The following MTF2 variants were observed in gnomAD, a reference collection of about 807,000 sequenced individuals.
MTF2 encodes the protein metal response element binding transcription factor 2, also known as metal-response element-binding transcription factor 2.
Under a neutral mutation model 79.5 loss-of-function variants are expected in MTF2, and 11 were observed. The observed-to-expected ratio is 0.14, with a 90% CI of 0.09 to 0.23. The LOEUF is 0.23. Ranked by LOEUF, MTF2 falls within the 10% of genes least tolerant of loss-of-function variation. The pLI, the probability that MTF2 is intolerant of heterozygous loss-of-function variation, is 1.00. For missense variants in MTF2, 486 were observed against 711.2 expected, an observed-to-expected ratio of 0.68 and a Z score of 3.60; for synonymous variants, 208 against 232.8, an observed-to-expected ratio of 0.89 and a Z score of 0.97.
At chr1:93,118,734 G>A (rs142695117) in intron 7 of MTF2, among the ~76,000 whole-genome samples, 3 of 152,254 alleles carry the variant, frequency 2.0e-5, no homozygotes, top group African/African-American at 7.2e-5. Flanking sequence ...GATAGTATTA[G>A]AATTGGAAAA....
In MTF2 at chr1:93,101,657, A is replaced by G. The variant is rs1043226090; in HGVS notation, c.6-8573A>G. ...CAGTGGTGCAGTCACAGCTCACTGC[A>G]GCCTCGACCTCCCAGGCTCACGCAA... On this transcript the variant is annotated intron_variant, in intron 1 of 14. Coordinates refer to ENST00000370298, the MANE Select transcript of MTF2 (RefSeq NM_007358.4). Among the ~76,000 whole-genome samples, 3 of 135,608 alleles carry G rather than the reference A, an allele frequency of 2.2e-5. No homozygotes were observed. The South Asian group carries it at 6.9e-4, about 31-fold the overall frequency. 89.0% of individuals were successfully genotyped at this position (135,608 alleles called of 152,430 possible). A position where few individuals can be genotyped will look rare whatever the true frequency, so the allele number is the denominator to read the frequency against.
intron 14 of MTF2, among the ~76,000 whole-genome samples, chr1:93,135,269 G>T (rs1371041621): frequency 6.6e-6 from 1 of 152,190 alleles, no homozygotes; most frequent in African/African-American, 2.4e-5. Context: ...ACTTTGCCTG[G>T]CCAGGACAAC....
intron 1 of MTF2, among the ~76,000 whole-genome samples, chr1:93,096,199 T>G (rs1409820389): frequency 6.6e-6 from 1 of 152,268 alleles, no homozygotes. Context: ...CATCATGTAT[T>G]GTTGAAGATG....
At chr1:93,106,091 A>G (rs1655771292) in intron 1 of MTF2, among the ~76,000 whole-genome samples, 1 of 152,152 alleles carries the variant, frequency 6.6e-6, no homozygotes, top group African/African-American at 2.4e-5. Context: ...AAGGGGGCAT[A>G]AGGAATCAAG....
chr1:93,111,562 G>C (rs1571235999), intron 3 of MTF2, among the ~76,000 whole-genome samples: 1 of 152,110 alleles, frequency 6.6e-6, no homozygotes, highest in African/African-American at 2.4e-5. Flanking sequence ...AAAGGAATTG[G>C]AATGTTCTAA....
intron 8 of MTF2, 100 bp downstream of exon 8, chr1:93,119,501 G>C (rs1571243397): frequency 2.4e-6 from 2 of 825,128 alleles, no homozygotes; most frequent in Admixed American, 3.0e-5. Flanking sequence ...GTAAAAATAG[G>C]TTATTTATGC....
In MTF2 at chr1:93,137,191, T is replaced by C. The variant is rs1571259588; in HGVS notation, c.*164T>C. 9.7e-6 allele frequency: 5 copies of C among 515,140 alleles called. No homozygotes were observed. Among genetic ancestry groups the C allele is most frequent in the East Asian group, 2.9e-5 (1 of 34,510 alleles). The allele number at this position is 515,140 out of a possible 1,614,324, so 31.9% of individuals were successfully genotyped here. A position where few individuals can be genotyped will look rare whatever the true frequency, so the allele number is the denominator to read the frequency against. ...CCTTAACATGTACCTGTCAATGTTATGGATATTGTCATAAAAAGGTATCTT... is the reference window on the plus strand; with the variant it reads ...CCTTAACATGTACCTGTCAATGTTACGGATATTGTCATAAAAAGGTATCTT... On this transcript the variant is annotated 3_prime_UTR_variant, in exon 15 of 15. Coordinates refer to ENST00000370298, the MANE Select transcript of MTF2 (RefSeq NM_007358.4).
At chr1:93,114,655 ACT>A (rs749878548) in intron 3 of MTF2, 31 bp from the exon 4 acceptor site, 24 of 1,530,310 alleles carry the variant, frequency 1.6e-5, no homozygotes, top group East Asian at 9.1e-5. Context: ...ATTTTTTATG[ACT>A]CTCTTTTTTA....
At chr1:93,115,234 G>A in intron 5 of MTF2, 146 bp downstream of exon 5, 1 of 692,092 alleles carries the variant, frequency 1.4e-6, no homozygotes, top group Non-Finnish European at 2.3e-6. Context: ...GACTAATGAT[G>A]CTTAAGTGAC....
intron 1 of MTF2, among the ~76,000 whole-genome samples, chr1:93,091,017 A>G (rs1655055989): frequency 6.6e-6 from 1 of 151,236 alleles, no homozygotes; most frequent in East Asian, 1.9e-4. Flanking sequence ...AGCTTGTATG[A>G]ATGTTCAAAC....
At chr1:93,091,174 A>G (rs998316356) in intron 1 of MTF2, among the ~76,000 whole-genome samples, 2 of 152,114 alleles carry the variant, frequency 1.3e-5, no homozygotes, top group Non-Finnish European at 2.9e-5. Context: ...GAATTGTTAT[A>G]TTCAATAAAC....
chr1:93,079,706 A>T (rs1167162037), intron 1 of MTF2, among the ~76,000 whole-genome samples, 175 bp downstream of exon 1: 1 of 152,024 alleles, frequency 6.6e-6, no homozygotes. Flanking sequence ...GATGAAGAGG[A>T]GTAGTCAGTT....
chr1:93,090,020 G>A (rs1402765811), intron 1 of MTF2, among the ~76,000 whole-genome samples: 5 of 151,676 alleles, frequency 3.3e-5, no homozygotes, highest in Admixed American at 6.6e-5. Context: ...TCTGTCCCCC[G>A]GGCTGGAGCG....
intron 11 of MTF2, among the ~76,000 whole-genome samples, chr1:93,132,440 A>G (rs900385254): frequency 3.3e-5 from 5 of 152,230 alleles, no homozygotes; most frequent in Admixed American, 1.3e-4. Flanking sequence ...TGATGCCACC[A>G]GATAAGGATT....
rs755078737 is a variant in MTF2 at position 93,129,293 on chromosome 1, A to G, written c.1005A>G (p.Lys335=). The change falls in exon 11 of 15, where the codon AAA becomes AAG. Residue 335 remains lysine, a synonymous_variant. Coordinates refer to ENST00000370298, the MANE Select transcript of MTF2 (RefSeq NM_007358.4). ...AAAAATTTAGGTTTATGTCTGGGAA[A>G]GAAATAAAGAAGAAGAAGCATTTGT... ...NDYKTMFMSG[K]EIKKKKHLFG... The G allele has an allele frequency of 1.2e-5, 18 of 1,559,788 alleles. No homozygotes were observed. The highest frequency in any genetic ancestry group is 1.6e-5 in the Non-Finnish European group (18 of 1,152,544).
chr1:93,104,949 G>GA (rs1655704810), intron 1 of MTF2, among the ~76,000 whole-genome samples: 1 of 151,980 alleles, frequency 6.6e-6, no homozygotes, highest in Admixed American at 6.6e-5. Context: ...GAGGTCAGGA[G>GA]ATCGAGACCA....
intron 9 of MTF2, among the ~76,000 whole-genome samples, chr1:93,124,783 A>T: frequency 6.6e-6 from 1 of 151,948 alleles, no homozygotes; most frequent in East Asian, 1.9e-4. Context: ...AGGAAGAGTT[A>T]TACTGTAAGT....
At chr1:93,111,217 G>A (rs1217101986) in intron 3 of MTF2, among the ~76,000 whole-genome samples, 1 of 152,098 alleles carries the variant, frequency 6.6e-6, no homozygotes, top group Non-Finnish European at 1.5e-5. Flanking sequence ...TTTAGCATCT[G>A]CTAAATATAG....
chr1:93,116,232 AAG>A (rs1656243558), intron 6 of MTF2, among the ~76,000 whole-genome samples: 1 of 81,278 alleles, frequency 1.2e-5, no homozygotes, highest in South Asian at 7.5e-4. Flanking sequence ...TAATTTTAAA[AAG>A]TATTTTTTTT....
Sources: allele counts gnomAD v4.1 joint callset (sites outside exome capture counted in the v4.1 genomes callset), GRCh38; gene constraint gnomAD v4.1.1; transcripts MANE v1.5; gene names NCBI Gene and HGNC (gene_info 2026-07-23, HGNC 2026-07-21).